Variants in FAM114A1 observed in about 807,000 individuals in gnomAD.
The protein encoded by FAM114A1 is family with sequence similarity 114 member A1.
FAM114A1 carries 62 observed loss-of-function variants against 64.3 expected under a neutral mutation model. The ratio of observed to expected loss-of-function variants is 0.96; its 90% confidence interval spans 0.79 to 1.19. FAM114A1 has a LOEUF of 1.19. FAM114A1 is among the 50% of genes most tolerant of loss of function. FAM114A1 has a pLI of 0.00. For synonymous variants in FAM114A1, 254 were observed against 251.1 expected (o/e 1.01, Z -0.11); for missense variants, 645 against 676.3 (o/e 0.95, Z 0.51).
intron 4 of FAM114A1, among the ~76,000 whole-genome samples, chr4:38,896,966 A>C (rs1339037473): frequency 1.3e-5 from 2 of 152,252 alleles, no homozygotes; most frequent in African/African-American, 4.8e-5. Flanking sequence ...TTAACAAAAC[A>C]CAGAGCTGTC....
intron 13 of FAM114A1, among the ~76,000 whole-genome samples, chr4:38,936,937 A>T (rs10019961): frequency 0.65 from 99,230 of 152,026 alleles, 33,045 homozygotes; most frequent in African/African-American, 0.77. Flanking sequence ...GTTTCTATTA[A>T]CAGGGTAACA....
Position 38,932,221 on chromosome 4 carries a change from T to C in FAM114A1, c.1324-14T>C. 6.3e-7 allele frequency: 1 copy of C among 1,584,586 alleles called. No homozygotes were observed. Among genetic ancestry groups the C allele is most frequent in the Non-Finnish European group, 8.5e-7 (1 of 1,171,720 alleles). ...CTCAGTAAAAAATTTCTTGCTTGTG[T>C]CTATTCATTTCAGGAAGTATACATG... On this transcript the variant is annotated splice_polypyrimidine_tract_variant and intron_variant, in intron 11 of 14. Coordinates refer to ENST00000358869, the MANE Select transcript of FAM114A1 (RefSeq NM_138389.4).
chr4:38,890,160 C>G (rs1716186938), intron 3 of FAM114A1, among the ~76,000 whole-genome samples: 1 of 152,142 alleles, frequency 6.6e-6, no homozygotes, highest in Non-Finnish European at 1.5e-5. Flanking sequence ...ATTCCTAGCA[C>G]TTTGGGAGGC....
chr4:38,930,039 C>T (rs958225379), intron 10 of FAM114A1, among the ~76,000 whole-genome samples: 5 of 152,164 alleles, frequency 3.3e-5, no homozygotes, highest in Non-Finnish European at 5.9e-5. Context: ...ACCCCGCCCC[C>T]CTTCTAAAGA....
chr4:38,939,180 A>G (rs1158986882), intron 13 of FAM114A1, among the ~76,000 whole-genome samples: 1 of 152,188 alleles, frequency 6.6e-6, no homozygotes, highest in Admixed American at 6.5e-5. Flanking sequence ...ATATATATTT[A>G]TATGTACACA....
intron 14 of FAM114A1, among the ~76,000 whole-genome samples, chr4:38,941,973 G>A (rs1336065075): frequency 6.6e-6 from 1 of 152,146 alleles, no homozygotes; most frequent in Non-Finnish European, 1.5e-5. Flanking sequence ...CACGTGGCTG[G>A]GGAGGCCTCA....
intron 4 of FAM114A1, 72 bp downstream of exon 4, chr4:38,891,902 TG>T: frequency 1.4e-6 from 2 of 1,381,524 alleles, no homozygotes; most frequent in East Asian, 4.8e-5. Flanking sequence ...TTGATCGTAC[TG>T]TATACTAATA....
intron 3 of FAM114A1, among the ~76,000 whole-genome samples, chr4:38,885,467 A>T (rs1029005250): frequency 6.6e-6 from 1 of 152,038 alleles, no homozygotes; most frequent in Non-Finnish European, 1.5e-5. Context: ...TGTAGAGACC[A>T]GATCTTGCCA....
intron 3 of FAM114A1, among the ~76,000 whole-genome samples, chr4:38,887,323 A>G (rs1715919323): frequency 6.6e-6 from 1 of 152,246 alleles, no homozygotes; most frequent in Non-Finnish European, 1.5e-5. Flanking sequence ...TCAAACAGTC[A>G]CTTTCAAGGT....
Position 38,943,447 on chromosome 4 carries a change from CT to C in FAM114A1, c.1591-8del. The C allele has an allele frequency of 6.2e-7, 1 of 1,613,014 alleles. No homozygotes were observed. Among genetic ancestry groups the C allele is most frequent in the Non-Finnish European group, 8.5e-7 (1 of 1,179,120 alleles). On this transcript the variant is annotated splice_polypyrimidine_tract_variant and splice_region_variant and intron_variant, in intron 14 of 14. Transcript: ENST00000358869. ...ATAACCCTTCAACCTCATTTTTCTCCTCTCACAGGGCTGCAACAGTACAACG... is the reference window on the plus strand; with the variant it reads ...ATAACCCTTCAACCTCATTTTTCTCCCTCACAGGGCTGCAACAGTACAACG...
chr4:38,918,381 G>A (rs929809677), intron 8 of FAM114A1, among the ~76,000 whole-genome samples: 5 of 152,210 alleles, frequency 3.3e-5, no homozygotes, highest in African/African-American at 1.2e-4. Context: ...TGTCCGTCTT[G>A]TGGCTCCGCT....
chr4:38,941,825 G>T (rs150660316), intron 14 of FAM114A1, among the ~76,000 whole-genome samples: 1,898 of 152,320 alleles, frequency 0.012, 46 homozygotes, highest in Admixed American at 0.011. Context: ...GCTTTCTGAA[G>T]TGGCTGTCCA....
At chr4:38,876,163 TTTTTTC>T (rs1258920561) in intron 2 of FAM114A1, among the ~76,000 whole-genome samples, 71 of 113,432 alleles carry the variant, frequency 6.3e-4, no homozygotes, top group African/African-American at 2.3e-3. Context: ...AGACTTATTC[TTTTTTC>T]TTTTTTTTTT....
chr4:38,889,328 G>A lies in FAM114A1; in HGVS notation c.349-2415G>A, dbSNP rs190864380. Among the ~76,000 whole-genome samples the A allele has an allele frequency of 2.9e-4, 44 of 152,264 alleles. No homozygotes were observed. The East Asian group carries it at 8.3e-3, about 29-fold the overall frequency. On this transcript the variant is annotated intron_variant, in intron 3 of 14. Transcript: ENST00000358869. ...ATCAATGTAGACACCAAAAATGAAA[G>A]CAGGCAGTGATGAGTCATGAATATT...
intron 7 of FAM114A1, among the ~76,000 whole-genome samples, chr4:38,910,033 G>A (rs1316628318): frequency 6.6e-6 from 1 of 151,954 alleles, no homozygotes; most frequent in East Asian, 1.9e-4. Context: ...AGGAGTTCGA[G>A]ACCAGCCTGG....
rs1721816008 is a variant in FAM114A1, at chr4:38,944,452, G to GT, written c.*896dup. On this transcript the variant is annotated 3_prime_UTR_variant, in exon 15 of 15. Transcript: ENST00000358869. ...GAAACGTGATCTTATCCCAGTAGAG[G>GT]TAGATATTCTGAAAAAGAATAATTC... 6.6e-6 allele frequency: 1 copy of GT among 152,188 alleles called. No individual in the cohort carries two copies. Among genetic ancestry groups the GT allele is most frequent in the South Asian group, 2.1e-4 (1 of 4,826 alleles). 9.4% of individuals were successfully genotyped at this position (152,188 alleles called of 1,614,324 possible).
Position 38,881,491 on chromosome 4 carries a change from CAGA to C in FAM114A1, c.348+3068_348+3070del, listed in dbSNP as rs76431152. 7.9e-5 allele frequency among the ~76,000 whole-genome samples: 12 copies of C among 152,174 alleles called. No individual in the cohort carries two copies. In the East Asian group the frequency reaches 2.3e-3, roughly 29 times the overall value. Reference sequence around the variant, plus strand: ...TGGCTCTGGATGTATTGTGTTGGGTCAGAAGCTCAGAGGGAACAAAGGAGTGGG... The same window carrying C: ...TGGCTCTGGATGTATTGTGTTGGGTCAGCTCAGAGGGAACAAAGGAGTGGG... On this transcript the variant is annotated intron_variant, in intron 3 of 14. Coordinates refer to ENST00000358869, the MANE Select transcript of FAM114A1 (RefSeq NM_138389.4).
intron 3 of FAM114A1, among the ~76,000 whole-genome samples, chr4:38,882,709 T>C (rs1715411578): frequency 6.6e-6 from 1 of 152,024 alleles, no homozygotes; most frequent in African/African-American, 2.4e-5. Flanking sequence ...GACGTACTTC[T>C]AAGGCACATT....
At chr4:38,929,716 G>T (rs1204690841) in intron 10 of FAM114A1, among the ~76,000 whole-genome samples, 1 of 152,240 alleles carries the variant, frequency 6.6e-6, no homozygotes, top group African/African-American at 2.4e-5. Flanking sequence ...GGCCAAGGTT[G>T]CAGGGAGCTG....
Sources: gnomAD v4.1 joint callset for allele counts (sites outside exome capture counted in the v4.1 genomes callset) on GRCh38, gnomAD v4.1.1 for gene constraint, MANE v1.5 for transcripts, NCBI Gene and HGNC (gene_info 2026-07-23, HGNC 2026-07-21) for gene names.